COX7B2: variants seen among roughly 807,000 people sequenced by gnomAD.
COX7B2 encodes cytochrome c oxidase subunit 7B2.
For missense variants in COX7B2, 109 were observed against 95.9 expected (o/e 1.14, Z -0.57); for synonymous variants, 37 against 32.1 (o/e 1.15, Z -0.51).
At chr4:46,907,843 G>A (rs2109913390) in intron 1 of COX7B2, among the ~76,000 whole-genome samples, 1 of 100,626 alleles carries the variant, frequency 9.9e-6, no homozygotes, top group Non-Finnish European at 2.2e-5. Flanking sequence ...CAGAATTTGA[G>A]CAGACTTTTT....
At chr4:46,789,201 T>A (rs1208374130) in intron 2 of COX7B2, among the ~76,000 whole-genome samples, 5 of 152,176 alleles carry the variant, frequency 3.3e-5, no homozygotes, top group Non-Finnish European at 7.4e-5. Flanking sequence ...TTATCAAGGC[T>A]ATTTTACTCG....
chr4:46,747,280 CTATTT>C (rs113440373), intron 2 of COX7B2, among the ~76,000 whole-genome samples: 74 of 102,414 alleles, frequency 7.2e-4, no homozygotes, highest in Middle Eastern at 4.7e-3. Context: ...CATTAAGCTC[CTATTT>C]TATTTTATTT....
intron 2 of COX7B2, among the ~76,000 whole-genome samples, chr4:46,753,628 A>G (rs1440300670): frequency 1.3e-5 from 2 of 152,096 alleles, no homozygotes; most frequent in Non-Finnish European, 2.9e-5. Context: ...AAACCTAGGC[A>G]ATACCATTCA....
At chr4:46,802,319 A>C (rs1718699479) in intron 2 of COX7B2, among the ~76,000 whole-genome samples, 1 of 152,120 alleles carries the variant, frequency 6.6e-6, no homozygotes, top group South Asian at 2.1e-4. Context: ...GTTTAAAGGA[A>C]ATATACGGAA....
chr4:46,885,346 G>C (rs1489290083), intron 1 of COX7B2, among the ~76,000 whole-genome samples: 1 of 152,022 alleles, frequency 6.6e-6, no homozygotes, highest in Non-Finnish European at 1.5e-5. Context: ...CTGTGTAGTA[G>C]GTAATAGAAA....
intron 2 of COX7B2, among the ~76,000 whole-genome samples, chr4:46,780,911 TCTTA>T (rs1323753625): frequency 1.3e-5 from 2 of 152,192 alleles, no homozygotes. Context: ...TAAGTCAATG[TCTTA>T]CTTTACTGCA....
intron 2 of COX7B2, among the ~76,000 whole-genome samples, chr4:46,754,431 G>A (rs1234593569): frequency 3.4e-5 from 5 of 147,798 alleles, no homozygotes; most frequent in African/African-American, 1.0e-4. Flanking sequence ...GATGAAGCTG[G>A]AAACCATCAT....
At chr4:46,826,037 A>G (rs1050435391) in intron 2 of COX7B2, among the ~76,000 whole-genome samples, 1 of 152,240 alleles carries the variant, frequency 6.6e-6, no homozygotes, top group Admixed American at 6.5e-5. Flanking sequence ...GTGGGATCTA[A>G]TTAAACTTAA....
intron 2 of COX7B2, among the ~76,000 whole-genome samples, chr4:46,746,728 A>G (rs1352286681): frequency 6.6e-6 from 1 of 152,188 alleles, no homozygotes; most frequent in East Asian, 1.9e-4. Flanking sequence ...CTTTTTAAGC[A>G]ACTTGTTTCC....
intron 2 of COX7B2, among the ~76,000 whole-genome samples, chr4:46,780,186 T>C (rs1717369420): frequency 6.6e-6 from 1 of 152,280 alleles, no homozygotes; most frequent in African/African-American, 2.4e-5. Flanking sequence ...GTAATCAAAC[T>C]CAGCTATGAC....
At chr4:46,743,078 T>C (rs1714809403) in intron 2 of COX7B2, among the ~76,000 whole-genome samples, 1 of 152,168 alleles carries the variant, frequency 6.6e-6, no homozygotes, top group South Asian at 2.1e-4. Context: ...AACAGTGGCA[T>C]ACAGGTTGAA....
intron 1 of COX7B2, among the ~76,000 whole-genome samples, chr4:46,873,134 C>G (rs1432614273): frequency 3.3e-5 from 5 of 152,080 alleles, no homozygotes; most frequent in Non-Finnish European, 7.4e-5. Context: ...CATCCATGTC[C>G]CTGCAAAGGA....
At chr4:46,754,831 AC>A (rs1448914083) in intron 2 of COX7B2, among the ~76,000 whole-genome samples, 1 of 149,686 alleles carries the variant, frequency 6.7e-6, no homozygotes, top group Non-Finnish European at 1.5e-5. Context: ...GAAAGCCAGG[AC>A]CAGCTAGATT....
intron 2 of COX7B2, among the ~76,000 whole-genome samples, chr4:46,812,535 C>G (rs1427327093): frequency 6.6e-6 from 1 of 151,968 alleles, no homozygotes; most frequent in African/African-American, 2.4e-5. Context: ...TAGGAGTATC[C>G]CAGACTTTAT....
At chr4:46,766,104 T>C (rs1165003890) in intron 2 of COX7B2, among the ~76,000 whole-genome samples, 2 of 152,138 alleles carry the variant, frequency 1.3e-5, no homozygotes, top group South Asian at 2.1e-4. Flanking sequence ...ACAGAGTTCA[T>C]CAACATTAGA....
chr4:46,871,873 G>A (rs2109825699), intron 1 of COX7B2, among the ~76,000 whole-genome samples: 1 of 152,228 alleles, frequency 6.6e-6, no homozygotes, highest in Middle Eastern at 3.4e-3. Flanking sequence ...ACTGTTGGTG[G>A]GAGTGTAAAT....
chr4:46,768,103 CG>C (rs1716655235), intron 2 of COX7B2, among the ~76,000 whole-genome samples: 1 of 152,210 alleles, frequency 6.6e-6, no homozygotes, highest in South Asian at 2.1e-4. Flanking sequence ...CCACGGATTG[CG>C]TAAGTGTTAA....
At chr4:46,738,269 T>A (rs1385250181) in intron 2 of COX7B2, among the ~76,000 whole-genome samples, 1 of 152,110 alleles carries the variant, frequency 6.6e-6, no homozygotes, top group Non-Finnish European at 1.5e-5. Flanking sequence ...TAAATTCAGA[T>A]CCTTTGTCTC....
intron 1 of COX7B2, among the ~76,000 whole-genome samples, chr4:46,857,652 C>T (rs1022937279): frequency 6.6e-6 from 1 of 152,134 alleles, no homozygotes; most frequent in Non-Finnish European, 1.5e-5. Flanking sequence ...AATAGTGGAA[C>T]ATTTCAACAT....
Sources: allele counts gnomAD v4.1 joint callset (sites outside exome capture counted in the v4.1 genomes callset), GRCh38; gene constraint gnomAD v4.1.1; transcripts MANE v1.5; gene names NCBI Gene and HGNC (gene_info 2026-07-23, HGNC 2026-07-21).